The following MSRA variants were observed in gnomAD, a reference collection of about 807,000 sequenced individuals.
MSRA encodes the protein methionine sulfoxide reductase A, also known as mitochondrial peptide methionine sulfoxide reductase.
A neutral mutation model predicts 31.3 loss-of-function variants in MSRA; 54 were observed. The observed-to-expected ratio is 1.73, with a 90% CI of 1.39 to 2.17. The LOEUF is 2.17. Among genes scored for constraint, MSRA ranks in the 30% most tolerant of loss-of-function variants. MSRA has a pLI of 0.00. For missense variants in MSRA, 507 were observed against 300.9 expected (o/e 1.69, Z -5.07); for synonymous variants, 169 against 116.5 (o/e 1.45, Z -2.90).
At chr8:10,261,794 G>A (rs924221286) in intron 3 of MSRA, among the ~76,000 whole-genome samples, 10 of 152,170 alleles carry the variant, frequency 6.6e-5, no homozygotes, top group African/African-American at 2.4e-4. Flanking sequence ...TGTATAATAC[G>A]TGTATCTACC....
At chr8:10,383,410 C>T (rs575671235) in intron 5 of MSRA, among the ~76,000 whole-genome samples, 150 of 152,246 alleles carry the variant, frequency 9.9e-4, no homozygotes, top group African/African-American at 3.3e-3. Flanking sequence ...GAAGGAGAGA[C>T]GGTTTTGTGG....
intron 2 of MSRA, among the ~76,000 whole-genome samples, chr8:10,238,693 A>C (rs1370028246): frequency 2.0e-5 from 3 of 152,212 alleles, no homozygotes; most frequent in Non-Finnish European, 4.4e-5. Flanking sequence ...TTTATTTGGG[A>C]TTCTTGGTTA....
At chr8:10,100,935 T>G (rs541708162) in intron 1 of MSRA, among the ~76,000 whole-genome samples, 1 of 152,330 alleles carries the variant, frequency 6.6e-6, no homozygotes. Context: ...GATGCCATTC[T>G]TTTATCCTTG....
chr8:10,393,418 G>A (rs1204403923), intron 5 of MSRA, among the ~76,000 whole-genome samples: 7 of 152,126 alleles, frequency 4.6e-5, no homozygotes, highest in Non-Finnish European at 7.3e-5. Context: ...AGGGAAAACG[G>A]GCCTATATTC....
chr8:10,334,118 C>G (rs1165505492), intron 5 of MSRA, among the ~76,000 whole-genome samples: 1 of 151,316 alleles, frequency 6.6e-6, no homozygotes, highest in African/African-American at 2.4e-5. Context: ...TGCCTGCTTT[C>G]CTGCCTGCGT....
chr8:10,333,729 C>A (rs919500327), intron 5 of MSRA, among the ~76,000 whole-genome samples: 4 of 151,830 alleles, frequency 2.6e-5, no homozygotes, highest in Non-Finnish European at 5.9e-5. Flanking sequence ...AGCCGGCCCC[C>A]CTCCATGTTC....
intron 5 of MSRA, among the ~76,000 whole-genome samples, chr8:10,380,342 G>T (rs577384456): frequency 1.3e-5 from 2 of 152,224 alleles, no homozygotes; most frequent in Admixed American, 1.3e-4. Flanking sequence ...GAGGCCTGGC[G>T]TTTGGGTAGA....
At chr8:10,383,916 G>A (rs1357896205) in intron 5 of MSRA, among the ~76,000 whole-genome samples, 5 of 152,150 alleles carry the variant, frequency 3.3e-5, no homozygotes, top group Non-Finnish European at 7.3e-5. Context: ...AGAACATCCA[G>A]GACATTCCTC....
intron 3 of MSRA, among the ~76,000 whole-genome samples, chr8:10,284,112 C>T (rs904086656): frequency 3.9e-5 from 6 of 151,968 alleles, no homozygotes; most frequent in Non-Finnish European, 8.8e-5. Context: ...GTTTACATTC[C>T]TGCCACTGCT....
At chr8:10,419,312 T>A (rs911563901) in intron 5 of MSRA, among the ~76,000 whole-genome samples, 1 of 152,200 alleles carries the variant, frequency 6.6e-6, no homozygotes, top group Non-Finnish European at 1.5e-5. Context: ...AATCCAGACC[T>A]GGATTCTTGT....
At chr8:10,088,304 C>A (rs1170745529) in intron 1 of MSRA, among the ~76,000 whole-genome samples, 2 of 152,254 alleles carry the variant, frequency 1.3e-5, no homozygotes, top group East Asian at 3.9e-4. Flanking sequence ...AATGGAACTT[C>A]CATATGACCC....
chr8:10,313,329 G>A (rs777362899), intron 4 of MSRA, among the ~76,000 whole-genome samples: 12 of 152,150 alleles, frequency 7.9e-5, no homozygotes, highest in Non-Finnish European at 1.6e-4. Flanking sequence ...TCATGAAGTA[G>A]AACTGTTACC....
At chr8:10,229,898 G>A (rs987519533) in intron 2 of MSRA, among the ~76,000 whole-genome samples, 2 of 152,096 alleles carry the variant, frequency 1.3e-5, no homozygotes, top group South Asian at 2.1e-4. Flanking sequence ...TGCATTCCCC[G>A]TCCTCCCCAT....
At chr8:10,265,230 C>T (rs148054672) in intron 3 of MSRA, among the ~76,000 whole-genome samples, 116 of 152,158 alleles carry the variant, frequency 7.6e-4, no homozygotes, top group African/African-American at 2.4e-3. Flanking sequence ...TCATATACCA[C>T]GTGATGGGGA....
intron 5 of MSRA, among the ~76,000 whole-genome samples, chr8:10,399,810 T>G (rs1006141792): frequency 2.6e-5 from 4 of 152,128 alleles, no homozygotes; most frequent in Non-Finnish European, 4.4e-5. Flanking sequence ...CATTGATTAG[T>G]GCTGTTATTG....
intron 1 of MSRA, among the ~76,000 whole-genome samples, chr8:10,131,658 G>T (rs1042291354): frequency 1.3e-5 from 2 of 152,116 alleles, no homozygotes; most frequent in Non-Finnish European, 2.9e-5. Context: ...TTCTATCCCT[G>T]GGAAGCTCTC....
At chr8:10,102,889 G>A (rs891625732) in intron 1 of MSRA, among the ~76,000 whole-genome samples, 21 of 152,258 alleles carry the variant, frequency 1.4e-4, no homozygotes, top group African/African-American at 4.1e-4. Flanking sequence ...TGTACTGGGT[G>A]CAGTAACCTG....
At chr8:10,410,323 TTGGGG>T (rs1227599881) in intron 5 of MSRA, among the ~76,000 whole-genome samples, 1 of 152,144 alleles carries the variant, frequency 6.6e-6, no homozygotes, top group Non-Finnish European at 1.5e-5. Context: ...AGTCACTTGT[TTGGGG>T]GGTGCCGGTG....
At position 10,115,471 on chromosome 8, in the gene MSRA, A is replaced by C. The variant is rs907393258; in HGVS notation, c.142+60813A>C. On this transcript the variant is annotated intron_variant, in intron 1 of 5. Coordinates refer to ENST00000317173, the MANE Select transcript of MSRA (RefSeq NM_012331.5). ...TCAGAGGGAGCAGGGCCCCTCCAGC[A>C]CCTCGATGTTTGGACTTCTGGCCTC... is the stretch of plus-strand genomic sequence containing the variant. 9.2e-5 allele frequency among the ~76,000 whole-genome samples: 14 copies of C among 152,210 alleles called. No homozygotes were observed. In the East Asian group the frequency reaches 9.6e-4, roughly 10 times the overall value.
Sources: gnomAD v4.1 joint callset for allele counts (sites outside exome capture counted in the v4.1 genomes callset) on GRCh38, gnomAD v4.1.1 for gene constraint, MANE v1.5 for transcripts, NCBI Gene and HGNC (gene_info 2026-07-23, HGNC 2026-07-21) for gene names.